Variants in WNT7B observed in about 807,000 individuals in gnomAD.
WNT7B encodes protein Wnt-7b.
In WNT7B, 19 loss-of-function variants were observed where a neutral mutation model predicts 38.2. The ratio of observed to expected loss-of-function variants is 0.50; its 90% confidence interval spans 0.35 to 0.73. WNT7B has a LOEUF of 0.73. Among genes scored for constraint, WNT7B ranks in the 30% least tolerant of loss-of-function variants. The pLI is 0.01. For synonymous variants in WNT7B, 243 were observed against 209.3 expected, an observed-to-expected ratio of 1.16 and a Z score of -1.39; for missense variants, 423 against 507.9, an observed-to-expected ratio of 0.83 and a Z score of 1.61.
rs201173969 is a variant in WNT7B at position 45,944,981 on chromosome 22, CT to C, written c.298+4938del. Reference sequence around the variant, plus strand: ...ACTTTGGGCCACCCCCTCCTGTCCCCTATGGGTGCAGCACCGCTCAACGGAA... The same window carrying C: ...ACTTTGGGCCACCCCCTCCTGTCCCCATGGGTGCAGCACCGCTCAACGGAA... On this transcript the variant is annotated intron_variant, in intron 2 of 3. Coordinates refer to ENST00000339464, the MANE Select transcript of WNT7B (RefSeq NM_058238.3). 5.4e-3 allele frequency among the ~76,000 whole-genome samples: 828 copies of C among 152,354 alleles called. 2 individuals are homozygous for C. Among genetic ancestry groups the C allele is most frequent in the Non-Finnish European group, 8.6e-3 (588 of 68,040 alleles).
intron 3 of WNT7B, among the ~76,000 whole-genome samples, chr22:45,928,677 A>C (rs1433903302): frequency 6.9e-6 from 1 of 144,958 alleles, no homozygotes; most frequent in African/African-American, 2.6e-5. Flanking sequence ...GAGTCACCAG[A>C]CACCTCCAAG....
chr22:45,942,920 A>C (rs978533694), intron 2 of WNT7B, among the ~76,000 whole-genome samples: 1 of 146,284 alleles, frequency 6.8e-6, no homozygotes, highest in African/African-American at 2.5e-5. Context: ...TGCAGTGTGC[A>C]CGTGTGTGCA....
chr22:45,952,601 C>T (rs756484150), intron 1 of WNT7B, among the ~76,000 whole-genome samples: 12 of 152,272 alleles, frequency 7.9e-5, no homozygotes, highest in South Asian at 2.1e-4. Context: ...CGCCTCAGTC[C>T]CAGCCTGAGG....
At chr22:45,960,243 C>T (rs552957888) in intron 1 of WNT7B, among the ~76,000 whole-genome samples, 59 of 152,194 alleles carry the variant, frequency 3.9e-4, no homozygotes, top group Non-Finnish European at 4.9e-4. Flanking sequence ...CCTCCTTCCT[C>T]GCATGCTGGC....
At chr22:45,938,434 C>G (rs1931564915) in intron 2 of WNT7B, among the ~76,000 whole-genome samples, 1 of 151,980 alleles carries the variant, frequency 6.6e-6, no homozygotes, top group Admixed American at 6.6e-5. Flanking sequence ...GTCAGGAGTT[C>G]AAGACCAGCC....
rs1028524185 is a variant in WNT7B, at chr22:45,951,798, G to A, written c.72-1652C>T. On this transcript the variant is annotated intron_variant, in intron 1 of 3. Transcript: ENST00000339464. The surrounding 1 kb of genome is among the most constrained non-coding windows in gnomAD (Gnocchi z 4.8). ...GTATCCATTCATGGCTGGGCATTTC[G>A]GCTGCTTCCACCTTTGGACTACTGT... is the stretch of plus-strand genomic sequence containing the variant. Among the ~76,000 whole-genome samples the A allele has an allele frequency of 6.6e-6, 1 of 152,160 alleles. No homozygotes were observed. Among genetic ancestry groups the A allele is most frequent in the Non-Finnish European group, 1.5e-5 (1 of 68,030 alleles).
At chr22:45,929,868 C>T (rs78058914) in intron 3 of WNT7B, among the ~76,000 whole-genome samples, 47 of 108,162 alleles carry the variant, frequency 4.3e-4, no homozygotes, top group African/African-American at 1.7e-3. Context: ...TTCCATCCAT[C>T]CATCCAACCA....
chr22:45,930,441 GC>G (rs1369905093), intron 3 of WNT7B, among the ~76,000 whole-genome samples: 1 of 152,240 alleles, frequency 6.6e-6, no homozygotes, highest in Non-Finnish European at 1.5e-5. Flanking sequence ...CCTATCTCAG[GC>G]CATCTTGCCG....
chr22:45,930,293 G>T (rs942698967), intron 3 of WNT7B, among the ~76,000 whole-genome samples: 1 of 152,242 alleles, frequency 6.6e-6, no homozygotes, highest in Non-Finnish European at 1.5e-5. Flanking sequence ...CCCTGGGCCC[G>T]AGGGATTCTT....
chr22:45,949,904 C>T lies in WNT7B; in HGVS notation c.298+16G>A. ...GCCACAATGGCTGGGCCCCTTGAGC[C>T]CAGAGGCGCCCTTACCTACTCGGAG... On this transcript the variant is annotated intron_variant, in intron 2 of 3. Transcript: ENST00000339464. 1.2e-6 allele frequency: 2 copies of T among 1,600,094 alleles called. No individual in the cohort carries two copies. The highest frequency in any genetic ancestry group is 8.5e-7 in the Non-Finnish European group (1 of 1,169,898).
At chr22:45,946,836 G>A (rs1931808684) in intron 2 of WNT7B, among the ~76,000 whole-genome samples, 1 of 152,220 alleles carries the variant, frequency 6.6e-6, no homozygotes, top group Admixed American at 6.5e-5. Context: ...TTTGCACAGG[G>A]GATTGATTTG....
chr22:45,943,071 ATGTGTGCACGTGTGTGCGTG>A (rs1183414729), intron 2 of WNT7B, among the ~76,000 whole-genome samples: 1 of 148,262 alleles, frequency 6.7e-6, no homozygotes. Context: ...CAGTGTGCAC[ATGTGTGCACGTGTGTGCGTG>A]TGTTTGTGTG....
At chr22:45,933,599 C>T (rs544719927) in intron 2 of WNT7B, among the ~76,000 whole-genome samples, 1 of 152,092 alleles carries the variant, frequency 6.6e-6, no homozygotes, top group African/African-American at 2.4e-5. Flanking sequence ...AGGGGGATCC[C>T]AGTAAAGGGT....
At chr22:45,964,478 A>G (rs1932268813) in intron 1 of WNT7B, among the ~76,000 whole-genome samples, 1 of 152,114 alleles carries the variant, frequency 6.6e-6, no homozygotes, top group African/African-American at 2.4e-5. Flanking sequence ...GGAAATGGAG[A>G]TGGCGGAGTG....
chr22:45,940,433 G>T (rs191119651), intron 2 of WNT7B, among the ~76,000 whole-genome samples: 183 of 152,226 alleles, frequency 1.2e-3, no homozygotes, highest in African/African-American at 4.2e-3. Flanking sequence ...CGCCACGCTT[G>T]CCTGTGCCAG....
At chr22:45,972,447 GGGCT>G (rs893846009) in intron 1 of WNT7B, 14 of 223,352 alleles carry the variant, frequency 6.3e-5, no homozygotes, top group Non-Finnish European at 5.2e-5. Context: ...GCGGGAGCTG[GGGCT>G]GGAGTGCGGG....
At chr22:45,954,151 T>C (rs1932004492) in intron 1 of WNT7B, among the ~76,000 whole-genome samples, 1 of 152,192 alleles carries the variant, frequency 6.6e-6, no homozygotes. Context: ...TGAAGGAAGC[T>C]AGACCCCAAA....
At chr22:45,958,255 C>T (rs746911812) in intron 1 of WNT7B, among the ~76,000 whole-genome samples, 2 of 152,268 alleles carry the variant, frequency 1.3e-5, no homozygotes, top group Non-Finnish European at 2.9e-5. Flanking sequence ...CAAGGCCCAG[C>T]CTGGGGGCTC....
intron 1 of WNT7B, among the ~76,000 whole-genome samples, chr22:45,959,576 T>C (rs1347750098): frequency 6.6e-6 from 1 of 152,018 alleles, no homozygotes; most frequent in East Asian, 1.9e-4. Context: ...TCCACCTCAG[T>C]ATCCCGTTTC....
Sources: allele counts gnomAD v4.1 joint callset (sites outside exome capture counted in the v4.1 genomes callset), GRCh38; gene constraint gnomAD v4.1.1; non-coding constraint Gnocchi (gnomAD v3.1); transcripts MANE v1.5; gene names NCBI Gene and HGNC (gene_info 2026-07-23, HGNC 2026-07-21).